THEM5: variants seen among roughly 807,000 people sequenced by gnomAD.
The protein encoded by THEM5 is acyl-coenzyme A thioesterase THEM5.
Under a neutral mutation model 24.2 loss-of-function variants are expected in THEM5, and 28 were observed. The observed-to-expected ratio is 1.16, with a 90% confidence interval of 0.86 to 1.59. The LOEUF is 1.59. Ranked by LOEUF, THEM5 falls within the 40% of genes most tolerant of loss-of-function variation. The probability of loss-of-function intolerance (pLI) is 0.00; values close to 1 mark genes in which losing one functional copy is unlikely to be tolerated. For synonymous variants in THEM5, 87 were observed against 114.5 expected, an observed-to-expected ratio of 0.76 and a Z score of 1.53; for missense variants, 260 against 296.8, an observed-to-expected ratio of 0.88 and a Z score of 0.91.
rs1487974062 is a variant in THEM5 at position 151,847,841 on chromosome 1, C to T, written c.597G>A (p.Leu199=). 46 of 1,614,008 alleles carry T rather than the reference C, an allele frequency of 2.9e-5. No individual in the cohort carries two copies. Among genetic ancestry groups the T allele is most frequent in the Non-Finnish European group, 3.7e-5 (44 of 1,180,030 alleles). The change falls in exon 5 of 6, where the codon CTG becomes CTA. Residue 199 remains leucine (L), a synonymous_variant. Coordinates refer to ENST00000368817, the MANE Select transcript of THEM5 (RefSeq NM_182578.4). The part of the protein sequence containing the change: ...RFKNLIPVDS[L]VVMDVELDKI... ...TGTCCAGTTCTACGTCCATTACAAC[C>T]AGAGAGTCCACGGGGATCAAGCTGG...
chr1:151,848,970 G>A (rs553533245), intron 3 of THEM5, among the ~76,000 whole-genome samples: 1 of 152,312 alleles, frequency 6.6e-6, no homozygotes, highest in Non-Finnish European at 1.5e-5. Flanking sequence ...TGTAATCCCA[G>A]CACTTTGGGA....
rs139608588 is a variant in THEM5, at chr1:151,849,513, C to T, written c.465-1221G>A. On this transcript the variant is annotated intron_variant, in intron 3 of 5. Transcript: ENST00000368817. Reference sequence around the variant, plus strand: ...TATCCACCCAGTTGGACTCCTTGTCCCACAGCTCACTACATGTTTGATCTT... The same window carrying T: ...TATCCACCCAGTTGGACTCCTTGTCTCACAGCTCACTACATGTTTGATCTT... 3.8e-3 allele frequency among the ~76,000 whole-genome samples: 577 copies of T among 152,298 alleles called. 11 individuals are homozygous for T. Among genetic ancestry groups the T allele is most frequent in the Middle Eastern group, 0.017 (5 of 294 alleles).
chr1:151,852,713 G>A (rs1183878649), intron 1 of THEM5, among the ~76,000 whole-genome samples: 1 of 152,230 alleles, frequency 6.6e-6, no homozygotes, highest in African/African-American at 2.4e-5. Flanking sequence ...CATGCTGCTC[G>A]ATGTGGTGCC....
At chr1:151,851,779 C>G (rs1653135134) in intron 2 of THEM5, among the ~76,000 whole-genome samples, 1 of 152,158 alleles carries the variant, frequency 6.6e-6, no homozygotes, top group Non-Finnish European at 1.5e-5. Flanking sequence ...AGTGCACACA[C>G]ACACACAAGA....
In THEM5 at chr1:151,847,103, G is replaced by A. The variant is rs1333219588; in HGVS notation, c.*268C>T. On this transcript the variant is annotated 3_prime_UTR_variant, in exon 6 of 6. Transcript: ENST00000368817. ...ACAGAAAGGCCCTGGGCCGAGAATG[G>A]GACTGTGAGACTTTATTTACTCAGA... The A allele has an allele frequency of 5.6e-6, 4 of 710,642 alleles. No individual in the cohort carries two copies. The African/African-American group carries it at 7.0e-5, about 12-fold the overall frequency. The allele number at this position is 710,642 out of a possible 1,614,324, so 44.0% of individuals were successfully genotyped here.
chr1:151,847,196 C>T lies in THEM5; in HGVS notation c.*175G>A, dbSNP rs964624805. ...ACCCCTCCCTGCTCTTTGATGGGTC[C>T]CAGGCAGGCAGGGGAGGCAGGAGGC... On this transcript the variant is annotated 3_prime_UTR_variant, in exon 6 of 6. Coordinates refer to ENST00000368817, the MANE Select transcript of THEM5 (RefSeq NM_182578.4). 1.0e-6 allele frequency: 1 copy of T among 967,250 alleles called. No homozygotes were observed. The highest frequency in any genetic ancestry group is 1.6e-5 in the African/African-American group (1 of 62,012). 59.9% of individuals were successfully genotyped at this position (967,250 alleles called of 1,614,324 possible). A position where few individuals can be genotyped will look rare whatever the true frequency, so the allele number is the denominator to read the frequency against.
At chr1:151,853,347 G>T in intron 1 of THEM5, 96 bp downstream of exon 1, 1 of 1,458,954 alleles carries the variant, frequency 6.9e-7, no homozygotes, top group Non-Finnish European at 9.1e-7. Context: ...CTGCCCACCT[G>T]CCCTGGCCAT....
chr1:151,853,352 G>T, intron 1 of THEM5, 91 bp downstream of exon 1: 1 of 1,478,062 alleles, frequency 6.8e-7, no homozygotes, highest in Non-Finnish European at 9.0e-7. Flanking sequence ...CACCTGCCCT[G>T]GCCATGGGCT....
At chr1:151,853,392 G>A (rs900077902) in intron 1 of THEM5, 51 bp downstream of exon 1, 1 of 1,593,330 alleles carries the variant, frequency 6.3e-7, no homozygotes, top group Non-Finnish European at 8.6e-7. Flanking sequence ...TGCTCCTTAA[G>A]CCCTAGGCTC....
At chr1:151,853,332 G>T in intron 1 of THEM5, 111 bp downstream of exon 1, 2 of 1,394,932 alleles carry the variant, frequency 1.4e-6, no homozygotes, top group Non-Finnish European at 9.5e-7. Flanking sequence ...TAGCTCCTCC[G>T]AACACTGCCC....
At chr1:151,852,109 C>G in intron 2 of THEM5, 149 bp downstream of exon 2, 1 of 748,830 alleles carries the variant, frequency 1.3e-6, no homozygotes, top group Non-Finnish European at 2.2e-6. Context: ...ACACCCGCCG[C>G]CTGTTGCCTG....
Position 151,848,234 on chromosome 1 carries a change from A to G in THEM5, c.523T>C (p.Phe175Leu), listed in dbSNP as rs778504049. The G allele has an allele frequency of 6.2e-7, 1 of 1,614,214 alleles. No individual in the cohort carries two copies. The highest frequency in any genetic ancestry group is 8.5e-7 in the Non-Finnish European group (1 of 1,180,042). Residue 175 changes from phenylalanine to leucine, a missense_variant, in exon 4 of 6, where the codon TTC becomes CTC. Phe to Leu is a conservative substitution (Grantham distance 22). Coordinates refer to ENST00000368817, the MANE Select transcript of THEM5 (RefSeq NM_182578.4). Reference protein sequence around the residue: ...MMDETFSKTAFLAGEGLFTLS... With the variant: ...MMDETFSKTALLAGEGLFTLS... ...GTGAACAGCCCCTCTCCAGCCAGGA[A>G]GGCAGTTTTAGAAAAGGTCTCGTCC...
At chr1:151,848,404 C>T in intron 3 of THEM5, 112 bp from the exon 4 acceptor site, 2 of 796,926 alleles carry the variant, frequency 2.5e-6, no homozygotes, top group South Asian at 3.2e-5. Flanking sequence ...TTTCCCTAGA[C>T]CCTTCCAAAC....
chr1:151,848,170 GC>G lies in THEM5; in HGVS notation c.575+11del, dbSNP rs1214531607. ...TGTGACTTTGGCCAATGCCCCAGGGGCCCATACTTACTTTTTGAACCTGATG... is the reference window on the plus strand; with the variant it reads ...TGTGACTTTGGCCAATGCCCCAGGGGCCATACTTACTTTTTGAACCTGATG... On this transcript the variant is annotated intron_variant, in intron 4 of 5. Coordinates refer to ENST00000368817, the MANE Select transcript of THEM5 (RefSeq NM_182578.4). 1.9e-6 allele frequency: 3 copies of G among 1,612,226 alleles called. No homozygotes were observed. In the African/African-American group the frequency reaches 4.0e-5, roughly 22 times the overall value.
chr1:151,852,203 C>T (rs765655502), intron 2 of THEM5, 55 bp downstream of exon 2: 103 of 1,573,088 alleles, frequency 6.5e-5, no homozygotes, highest in Non-Finnish European at 8.9e-5. Context: ...GCTTCTCAGT[C>T]TTAGAACACA....
At chr1:151,849,227 A>T (rs960781958) in intron 3 of THEM5, among the ~76,000 whole-genome samples, 3 of 150,290 alleles carry the variant, frequency 2.0e-5, no homozygotes, top group Non-Finnish European at 3.0e-5. Flanking sequence ...AAAATTAAAA[A>T]AAAAAAAAAA....
Position 151,850,634 on chromosome 1 carries a change from C to T in THEM5, c.464+419G>A, listed in dbSNP as rs78213413. 4.5e-3 allele frequency among the ~76,000 whole-genome samples: 692 copies of T among 152,278 alleles called. 9 individuals carry two copies. Among genetic ancestry groups the T allele is most frequent in the African/African-American group, 0.015 (644 of 41,562 alleles). On this transcript the variant is annotated intron_variant, in intron 3 of 5. Transcript: ENST00000368817. ...CCATAATATCATATCTCTGGTCACCCTGGCAGGTAGATATTATTGCCCCAG... is the reference window on the plus strand; with the variant it reads ...CCATAATATCATATCTCTGGTCACCTTGGCAGGTAGATATTATTGCCCCAG...
At chr1:151,853,258 G>T (rs1009325989) in intron 1 of THEM5, among the ~76,000 whole-genome samples, 185 bp downstream of exon 1, 2 of 152,218 alleles carry the variant, frequency 1.3e-5, no homozygotes, top group African/African-American at 2.4e-5. Context: ...AGGTCTCCTG[G>T]TAGTTTTAGT....
At chr1:151,847,618 C>T (rs1444109074) in intron 5 of THEM5, 120 bp downstream of exon 5, 2 of 1,458,494 alleles carry the variant, frequency 1.4e-6, no homozygotes, top group African/African-American at 2.8e-5. Context: ...CCCTATCCCA[C>T]CCCTAAAGAA....
Sources: gnomAD v4.1 joint callset for allele counts (sites outside exome capture counted in the v4.1 genomes callset) on GRCh38, gnomAD v4.1.1 for gene constraint, MANE v1.5 for transcripts, NCBI Gene and HGNC (gene_info 2026-07-23, HGNC 2026-07-21) for gene names.